The following ADAMTS2 variants were observed in gnomAD, a reference collection of about 807,000 sequenced individuals.
ADAMTS2 encodes the protein ADAM metallopeptidase with thrombospondin type 1 motif 2.
ADAMTS2 carries 50 observed loss-of-function variants against 123.0 expected under a neutral mutation model. The observed-to-expected ratio is 0.41, with a 90% confidence interval of 0.32 to 0.51. The LOEUF (loss-of-function observed/expected upper bound fraction) is 0.51. Ranked by LOEUF, ADAMTS2 falls within the 20% of genes least tolerant of loss-of-function variation. The pLI, the probability that ADAMTS2 is intolerant of heterozygous loss-of-function variation, is 0.35. For missense variants in ADAMTS2, 1,494 were observed against 1,705.2 expected, an observed-to-expected ratio of 0.88 and a Z score of 2.18; for synonymous variants, 678 against 695.4, an observed-to-expected ratio of 0.98 and a Z score of 0.39.
At chr5:179,220,848 A>G (rs1765107169) in intron 3 of ADAMTS2, among the ~76,000 whole-genome samples, 1 of 152,160 alleles carries the variant, frequency 6.6e-6, no homozygotes, top group South Asian at 2.1e-4. Flanking sequence ...TGGGCCCTGC[A>G]GGGGTGAGGT....
chr5:179,198,706 T>G (rs1764487998), intron 4 of ADAMTS2, among the ~76,000 whole-genome samples: 1 of 152,116 alleles, frequency 6.6e-6, no homozygotes, highest in Non-Finnish European at 1.5e-5. Context: ...TGGCGGCACG[T>G]GCCAGTAGTC....
At chr5:179,199,685 T>C (rs916283816) in intron 4 of ADAMTS2, among the ~76,000 whole-genome samples, 1 of 152,166 alleles carries the variant, frequency 6.6e-6, no homozygotes, top group Non-Finnish European at 1.5e-5. Flanking sequence ...TCGGCAGGAT[T>C]CCACTCTGTG....
In ADAMTS2 at chr5:179,303,440, T is replaced by A. The variant is rs531169976; in HGVS notation, c.535-30376A>T. 6.6e-6 allele frequency among the ~76,000 whole-genome samples: 1 copy of A among 152,230 alleles called. No individual in the cohort carries two copies. The highest frequency in any genetic ancestry group is 2.1e-4 in the South Asian group (1 of 4,822). On this transcript the variant is annotated intron_variant, in intron 2 of 21. Coordinates refer to ENST00000251582, the MANE Select transcript of ADAMTS2 (RefSeq NM_014244.5). The surrounding 1 kb of genome is among the most constrained non-coding windows in gnomAD (Gnocchi z 4.7). ...CAGCATGCAGATTGGGGAAGAAGAC[T>A]AGAATGTGAGGTTCAGCAAACCCGC...
intron 4 of ADAMTS2, among the ~76,000 whole-genome samples, chr5:179,182,475 G>T (rs1439991032): frequency 1.3e-5 from 2 of 152,176 alleles, no homozygotes; most frequent in Non-Finnish European, 2.9e-5. Context: ...CAGTGGGAAG[G>T]CACCTCAGGA....
intron 5 of ADAMTS2, among the ~76,000 whole-genome samples, chr5:179,176,939 T>C (rs1241917822): frequency 1.3e-5 from 2 of 152,156 alleles, no homozygotes; most frequent in Admixed American, 1.3e-4. Context: ...GTGACTTCAC[T>C]GGACCATCTT....
rs1434055555 is a variant in ADAMTS2 at position 179,130,156 on chromosome 5, C to T, written c.2291-58G>A. 5.0e-6 allele frequency: 8 copies of T among 1,608,410 alleles called. No individual in the cohort carries two copies. The highest frequency in any genetic ancestry group is 6.0e-6 in the Non-Finnish European group (7 of 1,176,246). The stretch of plus-strand genomic sequence containing the variant: ...GTCACCCAAGAGCAGGACCCAGGCC[C>T]ACTGGTTTGGGCTGGTCGGGGAGTG... On this transcript the variant is annotated intron_variant, in intron 15 of 21. Transcript: ENST00000251582. The surrounding 1 kb of genome is among the most constrained non-coding windows in gnomAD (Gnocchi z 4.3).
chr5:179,322,175 G>A (rs539082076), intron 2 of ADAMTS2, among the ~76,000 whole-genome samples: 54 of 152,324 alleles, frequency 3.5e-4, no homozygotes, highest in Non-Finnish European at 5.1e-4. Context: ...AGGCACATAC[G>A]ACAGTTTTTA....
chr5:179,207,478 C>T, intron 4 of ADAMTS2, 35 bp downstream of exon 4: 7 of 835,890 alleles, frequency 8.4e-6, no homozygotes, highest in Non-Finnish European at 1.4e-5. Context: ...TTGACCCTCC[C>T]CGCCCCACCC....
At chr5:179,336,746 T>C (rs78824355) in intron 2 of ADAMTS2, among the ~76,000 whole-genome samples, 1,823 of 152,326 alleles carry the variant, frequency 0.012, 43 homozygotes, top group African/African-American at 0.039. Flanking sequence ...CTTTTGCTAT[T>C]GGAGGAACTA....
chr5:179,209,184 C>G (rs1243476018), intron 3 of ADAMTS2, among the ~76,000 whole-genome samples: 3 of 152,200 alleles, frequency 2.0e-5, no homozygotes. Flanking sequence ...GTGCTGACAG[C>G]AGGCCACTCG....
chr5:179,278,402 T>C (rs1466474599), intron 2 of ADAMTS2, among the ~76,000 whole-genome samples: 1 of 152,132 alleles, frequency 6.6e-6, no homozygotes, highest in Non-Finnish European at 1.5e-5. Context: ...GCTGCATTTT[T>C]TTCCGGGACT....
In ADAMTS2 at chr5:179,153,539, G is replaced by A. The variant is rs111893309; in HGVS notation, c.1467C>T (p.Asn489=). The change falls in exon 9 of 22, where the codon AAC becomes AAT. Residue 489 remains asparagine, a synonymous_variant. Coordinates refer to ENST00000251582, the MANE Select transcript of ADAMTS2 (RefSeq NM_014244.5). ...PQLPGLHYSM[N]EQCRFDFGLG... is the part of the protein sequence containing the mutation. ...GGCCGAAGTCAAAGCGGCATTGCTC[G>A]TTCATGGAGTAGTGCAGTCCCGGGA... 42 of 1,610,926 alleles carry A rather than the reference G, an allele frequency of 2.6e-5. No individual in the cohort carries two copies. The highest frequency in any genetic ancestry group is 1.7e-4 in the Middle Eastern group (1 of 6,060).
At chr5:179,311,830 G>A (rs923065794) in intron 2 of ADAMTS2, among the ~76,000 whole-genome samples, 5 of 152,040 alleles carry the variant, frequency 3.3e-5, no homozygotes, top group Admixed American at 6.6e-5. Flanking sequence ...CTCTCTCCCC[G>A]ACTGCAAGAG....
chr5:179,327,314 C>G (rs1757343300), intron 2 of ADAMTS2, among the ~76,000 whole-genome samples: 1 of 152,164 alleles, frequency 6.6e-6, no homozygotes. Context: ...GCTCCTCAGT[C>G]CACATTCATA....
At chr5:179,213,351 T>G (rs942658720) in intron 3 of ADAMTS2, among the ~76,000 whole-genome samples, 1 of 152,220 alleles carries the variant, frequency 6.6e-6, no homozygotes, top group African/African-American at 2.4e-5. Context: ...GTCTCATTTG[T>G]GAATTTGCCT....
chr5:179,315,318 G>A (rs1453793354), intron 2 of ADAMTS2, among the ~76,000 whole-genome samples: 1 of 152,272 alleles, frequency 6.6e-6, no homozygotes, highest in Non-Finnish European at 1.5e-5. Flanking sequence ...AAGCACTGAG[G>A]CCACAGTGCT....
In ADAMTS2 at chr5:179,316,931, C is replaced by T. The variant is rs2113585398; in HGVS notation, c.534+26836G>A. 2.0e-5 allele frequency among the ~76,000 whole-genome samples: 3 copies of T among 151,678 alleles called. No individual in the cohort carries two copies. In the South Asian group the frequency reaches 6.2e-4, roughly 32 times the overall value. ...CTTCTAGCCCGGGAGAGAGCAAGAC[C>T]CTGTCTCAAAAAAAGGAAATATATT... On this transcript the variant is annotated intron_variant, in intron 2 of 21. Coordinates refer to ENST00000251582, the MANE Select transcript of ADAMTS2 (RefSeq NM_014244.5).
chr5:179,131,686 C>CGCT (rs1305201909), intron 15 of ADAMTS2, among the ~76,000 whole-genome samples: 1 of 152,044 alleles, frequency 6.6e-6, no homozygotes, highest in Non-Finnish European at 1.5e-5. Context: ...TCCCAGGCAG[C>CGCT]GCTGCTTCGT....
In ADAMTS2 at chr5:179,314,395, G is replaced by A. The variant is rs903855836; in HGVS notation, c.534+29372C>T. 2.0e-5 allele frequency among the ~76,000 whole-genome samples: 3 copies of A among 152,272 alleles called. No homozygotes were observed. The highest frequency in any genetic ancestry group is 3.9e-4 in the East Asian group (2 of 5,168). ...GAGCGCAGAGGAGAGTGCAGGGAGC[G>A]GCAAGGCCAGGCTCCTCCCCACCCC... On this transcript the variant is annotated intron_variant, in intron 2 of 21. Transcript: ENST00000251582. The surrounding 1 kb of genome is among the most constrained non-coding windows in gnomAD (Gnocchi z 4.5).
Sources: allele counts gnomAD v4.1 joint callset (sites outside exome capture counted in the v4.1 genomes callset), GRCh38; gene constraint gnomAD v4.1.1; non-coding constraint Gnocchi (gnomAD v3.1); transcripts MANE v1.5; gene names NCBI Gene and HGNC (gene_info 2026-07-23, HGNC 2026-07-21).